ZNF385D: variants seen among roughly 807,000 people sequenced by gnomAD.
ZNF385D encodes the protein zinc finger protein 659.
A neutral mutation model predicts 35.8 loss-of-function variants in ZNF385D; 15 were observed. The observed-to-expected ratio is 0.42, with a 90% CI of 0.28 to 0.64. The LOEUF (loss-of-function observed/expected upper bound fraction) is 0.64, where lower values mean the gene tolerates loss of function less well. Ranked by LOEUF, ZNF385D falls within the 30% of genes least tolerant of loss-of-function variation. The probability of loss-of-function intolerance (pLI) is 0.23; values close to 1 mark genes in which losing one functional copy is unlikely to be tolerated. For synonymous variants in ZNF385D, 212 were observed against 186.8 expected (o/e 1.13, Z -1.10); for missense variants, 474 against 494.6 (o/e 0.96, Z 0.39).
At chr3:22,292,456 TTGGTAAGTTC>T (rs894595272) in intron 2 of ZNF385D, among the ~76,000 whole-genome samples, 2 of 152,114 alleles carry the variant, frequency 1.3e-5, no homozygotes, top group African/African-American at 2.4e-5. Context: ...TTTCTGTGTT[TTGGTAAGTTC>T]TTTTTACAGG....
At chr3:21,947,000 A>T (rs1325025499) in intron 3 of ZNF385D, among the ~76,000 whole-genome samples, 1 of 84,284 alleles carries the variant, frequency 1.2e-5, no homozygotes, top group Non-Finnish European at 2.3e-5. Context: ...TGACCCTTCT[A>T]AAAAAAAACA....
chr3:22,212,141 A>G (rs1697564001), intron 2 of ZNF385D, among the ~76,000 whole-genome samples: 1 of 151,992 alleles, frequency 6.6e-6, no homozygotes, highest in Non-Finnish European at 1.5e-5. Context: ...AAAGTTGGGC[A>G]GTTTCTTGCC....
chr3:22,191,307 G>A lies in ZNF385D; in HGVS notation c.107-22272C>T, dbSNP rs539657347. 9.9e-5 allele frequency among the ~76,000 whole-genome samples: 15 copies of A among 152,148 alleles called. No homozygotes were observed. In the East Asian group the frequency reaches 2.9e-3, roughly 30 times the overall value. ...GGGGTTTGAGAACAGCCTCAACATGGAGAAACCCCGTCTCTACTGAAAATA... is the reference window on the plus strand; with the variant it reads ...GGGGTTTGAGAACAGCCTCAACATGAAGAAACCCCGTCTCTACTGAAAATA... On this transcript the variant is annotated intron_variant, in intron 2 of 5. Coordinates refer to the ZNF385D transcript ENST00000494108.
At chr3:21,644,021 AT>A (rs375281556) in intron 2 of ZNF385D, among the ~76,000 whole-genome samples, 65 of 152,260 alleles carry the variant, frequency 4.3e-4, no homozygotes, top group African/African-American at 1.5e-3. Flanking sequence ...GCCCCTTGAC[AT>A]TTTTAAAGCA....
intron 3 of ZNF385D, among the ~76,000 whole-genome samples, chr3:21,987,701 T>A (rs1694889456): frequency 6.9e-6 from 1 of 145,828 alleles, no homozygotes. Context: ...ATTTCCTGAA[T>A]CTGAACATTG....
At chr3:21,905,724 A>G (rs1699653525) in intron 3 of ZNF385D, among the ~76,000 whole-genome samples, 1 of 150,928 alleles carries the variant, frequency 6.6e-6, no homozygotes, top group Non-Finnish European at 1.5e-5. Context: ...AGTTCAACAC[A>G]CTTTTTACTA....
intron 3 of ZNF385D, among the ~76,000 whole-genome samples, chr3:21,905,710 A>ATATATATATATATG (rs1699652957): frequency 6.7e-6 from 1 of 150,224 alleles, no homozygotes; most frequent in South Asian, 2.1e-4. Context: ...ATATATATAT[A>ATATATATATATATG]TTCAGTTCAA....
At chr3:21,914,620 G>C (rs768423955) in intron 3 of ZNF385D, among the ~76,000 whole-genome samples, 1 of 151,750 alleles carries the variant, frequency 6.6e-6, no homozygotes, top group South Asian at 2.1e-4. Context: ...TATGATGAAA[G>C]GCATCTATTT....
intron 3 of ZNF385D, among the ~76,000 whole-genome samples, chr3:22,027,215 G>T (rs531835825): frequency 1.8e-4 from 27 of 152,308 alleles, no homozygotes; most frequent in Non-Finnish European, 2.8e-4. Flanking sequence ...ACAATGCCTA[G>T]TCCACTTATT....
intron 2 of ZNF385D, among the ~76,000 whole-genome samples, chr3:22,182,164 G>T (rs1695324840): frequency 6.6e-6 from 1 of 152,118 alleles, no homozygotes; most frequent in Non-Finnish European, 1.5e-5. Flanking sequence ...TAAAGCTTCT[G>T]TAATATTATT....
chr3:21,970,767 T>C (rs1703200024), intron 3 of ZNF385D, among the ~76,000 whole-genome samples: 1 of 151,876 alleles, frequency 6.6e-6, no homozygotes, highest in Non-Finnish European at 1.5e-5. Flanking sequence ...AGGCATTTGA[T>C]AATCAAACTC....
intron 2 of ZNF385D, among the ~76,000 whole-genome samples, chr3:21,611,911 T>C (rs1317870543): frequency 1.3e-5 from 2 of 152,042 alleles, no homozygotes; most frequent in African/African-American, 2.4e-5. Context: ...TTGTTGTACC[T>C]CAGTATACTT....
intron 2 of ZNF385D, among the ~76,000 whole-genome samples, chr3:22,250,495 A>G (rs1700007951): frequency 2.0e-5 from 3 of 152,056 alleles, no homozygotes; most frequent in Admixed American, 6.6e-5. Flanking sequence ...GCATTGGAAT[A>G]TTGCCCCAAC....
chr3:21,509,009 G>A lies in ZNF385D; in HGVS notation c.439+1852C>T, dbSNP rs368605783. On this transcript the variant is annotated intron_variant, in intron 4 of 7. Coordinates refer to ENST00000281523, the MANE Select transcript of ZNF385D (RefSeq NM_024697.3). ...TTTTTCTTTTTTGAGATGGAGTCTC[G>A]CTCTATCGCCCAGGCTGGAGTGCAG... 2.9e-3 allele frequency among the ~76,000 whole-genome samples: 414 copies of A among 145,202 alleles called. 2 individuals are homozygous for A. Among genetic ancestry groups the A allele is most frequent in the African/African-American group, 0.01 (394 of 39,364 alleles).
intron 2 of ZNF385D, among the ~76,000 whole-genome samples, chr3:22,292,955 T>C (rs962369960): frequency 1.3e-5 from 2 of 152,152 alleles, no homozygotes; most frequent in East Asian, 1.9e-4. Context: ...TTAGACATGA[T>C]GCCAGTAAGT....
intron 2 of ZNF385D, among the ~76,000 whole-genome samples, chr3:21,653,799 C>T (rs910252395): frequency 1.3e-5 from 2 of 151,812 alleles, no homozygotes; most frequent in Non-Finnish European, 2.9e-5. Context: ...CTTTATAGAG[C>T]TCCAAAAGCT....
intron 3 of ZNF385D, among the ~76,000 whole-genome samples, chr3:21,869,416 C>T (rs950840101): frequency 2.6e-5 from 4 of 152,048 alleles, no homozygotes; most frequent in South Asian, 4.1e-4. Context: ...TGATCCCCAC[C>T]GCTCATCAGC....
intron 3 of ZNF385D, among the ~76,000 whole-genome samples, chr3:21,865,215 C>T (rs756923628): frequency 2.0e-5 from 3 of 151,442 alleles, no homozygotes; most frequent in Non-Finnish European, 4.4e-5. Context: ...TATGGGCTTC[C>T]GGATCCCTTA....
intron 3 of ZNF385D, among the ~76,000 whole-genome samples, chr3:22,136,829 A>C (rs905327880): frequency 2.6e-5 from 4 of 152,206 alleles, no homozygotes; most frequent in Non-Finnish European, 5.9e-5. Flanking sequence ...TGGAAAAATC[A>C]ATCTGAAAAG....
Sources: gnomAD v4.1 joint callset for allele counts (sites outside exome capture counted in the v4.1 genomes callset) on GRCh38, gnomAD v4.1.1 for gene constraint, MANE v1.5 for transcripts, NCBI Gene and HGNC (gene_info 2026-07-23, HGNC 2026-07-21) for gene names.